The following TENM3 variants were observed in gnomAD, a reference collection of about 807,000 sequenced individuals.
TENM3 encodes teneurin transmembrane protein 3.
In TENM3, 63 loss-of-function variants were observed where a neutral mutation model predicts 255.1. The ratio of observed to expected loss-of-function variants is 0.25; its 90% CI spans 0.20 to 0.30. TENM3 has a LOEUF of 0.30. TENM3 is among the 10% of genes least tolerant of loss of function. The pLI, the probability that TENM3 is intolerant of heterozygous loss-of-function variation, is 1.00. For missense variants in TENM3, 2,929 were observed against 3,461.1 expected (o/e 0.85, Z 3.86); for synonymous variants, 1,306 against 1,322.3 (o/e 0.99, Z 0.27).
the TENM3 span, among the ~76,000 whole-genome samples, chr4:181,532,124 G>T: frequency 6.6e-6 from 1 of 152,100 alleles, no homozygotes; most frequent in African/African-American, 2.4e-5. Context: ...AGAAAGTGGG[G>T]TCCCACCGGC....
At chr4:181,448,154 A>ATTTTT in the TENM3 span, among the ~76,000 whole-genome samples, 114 of 90,106 alleles carry the variant, frequency 1.3e-3, 6 homozygotes, top group East Asian at 0.012. Flanking sequence ...AAATCCAGTA[A>ATTTTT]TTTTTTTTTT....
chr4:182,112,869 A>C, the TENM3 span, among the ~76,000 whole-genome samples: 2 of 152,292 alleles, frequency 1.3e-5, no homozygotes, highest in Non-Finnish European at 2.9e-5. Context: ...ACACTTACTA[A>C]AAAGGTCAAT....
chr4:182,526,136 C>T (rs182478952), intron 3 of TENM3, among the ~76,000 whole-genome samples: 29 of 152,206 alleles, frequency 1.9e-4, no homozygotes, highest in Admixed American at 5.9e-4. Context: ...CGTGCCACCA[C>T]GCCCGGCTGA....
intron 20 of TENM3, 42 bp from the exon 21 acceptor site, chr4:182,753,395 AATCAAAAGTAACC>A: frequency 6.8e-7 from 1 of 1,475,956 alleles, no homozygotes; most frequent in East Asian, 2.3e-5. Context: ...CCTAATAGTT[AATCAAAAGTAACC>A]ATTTTTGAAA....
In TENM3 at chr4:182,736,895, A is replaced by G. The variant is rs759838404; in HGVS notation, c.3055A>G (p.Lys1019Glu). 3.3e-5 allele frequency: 53 copies of G among 1,613,744 alleles called. 1 individual carries two copies. Among genetic ancestry groups the G allele is most frequent in the Non-Finnish European group, 4.1e-5 (48 of 1,179,788 alleles). Residue 1019 changes from lysine (K) to glutamate (E), a missense_variant, in exon 17 of 28, where the codon AAG (lysine) becomes GAG (glutamate). Lys to Glu is a moderately conservative substitution (Grantham distance 56). This residue lies in a region of TENM3 where 1,608 missense variants were observed against 1,884.4 expected (regional missense o/e 0.85). Coordinates refer to ENST00000511685, the MANE Select transcript of TENM3 (RefSeq NM_001080477.4). ...SRAAGYKSVLKITMTQSIIPF... is the reference protein window; with the variant it reads ...SRAAGYKSVLEITMTQSIIPF... ...AGCTGCAGGGTATAAGTCAGTTCTC[A>G]AGATCACCATGACCCAGTCTATTAT...
chr4:182,231,471 C>T (rs1756576795), intron 1 of TENM3, among the ~76,000 whole-genome samples: 1 of 152,168 alleles, frequency 6.6e-6, no homozygotes, highest in African/African-American at 2.4e-5. Flanking sequence ...TGTGATAAGT[C>T]TTGCTTGAGT....
chr4:182,160,097 G>A (rs1695371448), intron 1 of TENM3, among the ~76,000 whole-genome samples: 1 of 149,896 alleles, frequency 6.7e-6, no homozygotes, highest in African/African-American at 2.4e-5. Flanking sequence ...CCGCTTCCCG[G>A]GTTCACGCCA....
chr4:182,666,877 G>A (rs1394661528), intron 6 of TENM3, among the ~76,000 whole-genome samples: 1 of 151,926 alleles, frequency 6.6e-6, no homozygotes, highest in South Asian at 2.1e-4. Context: ...TCCAGCCTGG[G>A]TGACAGCTTT....
chr4:182,472,091 A>T (rs1327878468), intron 3 of TENM3, among the ~76,000 whole-genome samples: 1 of 152,212 alleles, frequency 6.6e-6, no homozygotes, highest in African/African-American at 2.4e-5. Context: ...AGCAGAGGCT[A>T]TAAATTAGTT....
intron 3 of TENM3, among the ~76,000 whole-genome samples, chr4:182,369,510 G>A (rs17073158): frequency 0.24 from 36,361 of 152,086 alleles, 4,745 homozygotes; most frequent in African/African-American, 0.34. Context: ...CAACTTAAAT[G>A]TCCTCACTGT....
At chr4:181,747,913 T>C in the TENM3 span, among the ~76,000 whole-genome samples, 13 of 152,048 alleles carry the variant, frequency 8.5e-5, no homozygotes, top group African/African-American at 3.1e-4. Context: ...ATATTACTTA[T>C]GTCATCACCA....
chr4:181,634,711 C>T, the TENM3 span, among the ~76,000 whole-genome samples: 1 of 152,158 alleles, frequency 6.6e-6, no homozygotes, highest in South Asian at 2.1e-4. Flanking sequence ...ATTTCAATCA[C>T]TTTAAATTAA....
the TENM3 span, among the ~76,000 whole-genome samples, chr4:181,562,940 G>T: frequency 1.3e-5 from 2 of 152,298 alleles, no homozygotes; most frequent in East Asian, 3.9e-4. Context: ...CTCCCAAAGT[G>T]CTGGGATTAC....
chr4:181,846,553 G>A, the TENM3 span, among the ~76,000 whole-genome samples: 2 of 152,304 alleles, frequency 1.3e-5, no homozygotes, highest in East Asian at 1.9e-4. Context: ...ATGATTATTT[G>A]AAGATTATTA....
chr4:181,991,349 C>T, the TENM3 span, among the ~76,000 whole-genome samples: 7 of 152,108 alleles, frequency 4.6e-5, no homozygotes, highest in Admixed American at 6.6e-5. Flanking sequence ...AATATGGATT[C>T]GCACTAGCTT....
At chr4:181,720,723 A>AT in the TENM3 span, among the ~76,000 whole-genome samples, 2 of 152,144 alleles carry the variant, frequency 1.3e-5, no homozygotes, top group African/African-American at 2.4e-5. Context: ...GCATATTTGA[A>AT]TTTTTTGAAA....
chr4:182,716,547 T>A (rs1759190787), intron 13 of TENM3, among the ~76,000 whole-genome samples: 1 of 152,222 alleles, frequency 6.6e-6, no homozygotes, highest in Non-Finnish European at 1.5e-5. Context: ...TAAGAAGGAA[T>A]CTCAGTGCCA....
the TENM3 span, among the ~76,000 whole-genome samples, chr4:181,508,892 C>CTTTT: frequency 3.3e-4 from 18 of 53,814 alleles, 1 homozygote; most frequent in African/African-American, 1.2e-3. Context: ...ATTTCCAACA[C>CTTTT]TTTTTTTTTT....
At chr4:181,494,581 C>T in the TENM3 span, among the ~76,000 whole-genome samples, 3 of 151,812 alleles carry the variant, frequency 2.0e-5, no homozygotes, top group South Asian at 2.1e-4. Flanking sequence ...CCACCGCACC[C>T]GGCTCAGCTT....
Sources: allele counts gnomAD v4.1 joint callset (sites outside exome capture counted in the v4.1 genomes callset), GRCh38; gene constraint gnomAD v4.1.1; regional missense constraint gnomAD v4.1.1; transcripts MANE v1.5; gene names NCBI Gene and HGNC (gene_info 2026-07-23, HGNC 2026-07-21).